The following TTC23 variants were observed in gnomAD, a reference collection of about 807,000 sequenced individuals.
TTC23 encodes tetratricopeptide repeat protein 23.
In TTC23, 58 loss-of-function variants were observed where a neutral mutation model predicts 55.1. The ratio of observed to expected loss-of-function variants is 1.05; its 90% CI spans 0.85 to 1.31. The LOEUF (loss-of-function observed/expected upper bound fraction) is 1.31, where lower values mean the gene tolerates loss of function less well. TTC23 is among the 50% of genes most tolerant of loss of function. The pLI is 0.00. For missense variants in TTC23, 516 were observed against 534.4 expected (o/e 0.97, Z 0.34); for synonymous variants, 203 against 199.9 (o/e 1.02, Z -0.13).
intron 9 of TTC23, among the ~76,000 whole-genome samples, chr15:99,177,670 A>G (rs1162924502): frequency 6.6e-6 from 1 of 152,246 alleles, no homozygotes; most frequent in Non-Finnish European, 1.5e-5. Flanking sequence ...TGATGCAAAG[A>G]CATATAGTAT....
chr15:99,216,528 T>C (rs2077486613), intron 8 of TTC23, among the ~76,000 whole-genome samples: 1 of 151,864 alleles, frequency 6.6e-6, no homozygotes. Context: ...TGATTATCAA[T>C]AGGAAAGGTA....
chr15:99,150,316 A>T (rs1282499503), intron 12 of TTC23, among the ~76,000 whole-genome samples: 3 of 151,864 alleles, frequency 2.0e-5, no homozygotes, highest in Non-Finnish European at 4.4e-5. Context: ...ATAGTGATTT[A>T]AAAAAAAATT....
rs762810390 is a variant in TTC23, at chr15:99,175,030, G to A, written c.865+20C>T. On this transcript the variant is annotated intron_variant, in intron 10 of 13. Coordinates refer to ENST00000394132, the MANE Select transcript of TTC23 (RefSeq NM_001288615.3). Reference sequence around the variant, plus strand: ...GACCCAGATGCCTGTGAGACAGGAAGAGAAAAGGATTCTTCTCACCATGGT... The same window carrying A: ...GACCCAGATGCCTGTGAGACAGGAAAAGAAAAGGATTCTTCTCACCATGGT... 97 of 1,610,984 alleles carry A rather than the reference G, an allele frequency of 6.0e-5. No individual in the cohort carries two copies. The highest frequency in any genetic ancestry group is 8.0e-5 in the Non-Finnish European group (94 of 1,177,918).
intron 11 of TTC23, 37 bp from the exon 12 acceptor site, chr15:99,156,334 T>C: frequency 3.1e-6 from 5 of 1,608,728 alleles, no homozygotes; most frequent in Non-Finnish European, 4.2e-6. Context: ...GTTAACAAGC[T>C]CAAAGGCTGA....
intron 9 of TTC23, among the ~76,000 whole-genome samples, chr15:99,198,040 C>T (rs1399319751): frequency 6.6e-6 from 1 of 152,194 alleles, no homozygotes; most frequent in Admixed American, 6.5e-5. Flanking sequence ...GCCATGAATA[C>T]TGAAATTCCT....
chr15:99,238,209 T>C (rs1033350405), intron 3 of TTC23, among the ~76,000 whole-genome samples: 1 of 152,078 alleles, frequency 6.6e-6, no homozygotes, highest in Non-Finnish European at 1.5e-5. Context: ...CCTCAAGTGA[T>C]CAGCCCACCT....
At chr15:99,248,859 C>A (rs1486676592) in intron 1 of TTC23, among the ~76,000 whole-genome samples, 1 of 151,742 alleles carries the variant, frequency 6.6e-6, no homozygotes, top group African/African-American at 2.4e-5. Flanking sequence ...GAGAATTTAC[C>A]CTTACATGCT....
Position 99,136,738 on chromosome 15 carries a change from G to C in TTC23, c.*1272C>G. 8.7e-6 allele frequency: 1 copy of C among 114,678 alleles called. No individual in the cohort carries two copies. 7.1% of individuals were successfully genotyped at this position (114,678 alleles called of 1,614,324 possible). A position where few individuals can be genotyped will look rare whatever the true frequency, so the allele number is the denominator to read the frequency against. On this transcript the variant is annotated 3_prime_UTR_variant, in exon 14 of 14. Coordinates refer to ENST00000394132, the MANE Select transcript of TTC23 (RefSeq NM_001288615.3). ...GACTCCACCCATGTCAACTAGATAG[G>C]ACACACGGTGAGTAGTGACATCTTA...
At chr15:99,160,425 C>T (rs192917959) in intron 11 of TTC23, 2 of 151,944 alleles carry the variant, frequency 1.3e-5, no homozygotes, top group South Asian at 2.1e-4. Flanking sequence ...AAAAACAATA[C>T]AAATAAAAAA....
intron 9 of TTC23, among the ~76,000 whole-genome samples, chr15:99,180,344 T>TAA (rs902067812): frequency 1.5e-5 from 2 of 137,426 alleles, no homozygotes; most frequent in Non-Finnish European, 1.6e-5. Context: ...GGTCATTAAT[T>TAA]AAAAAAAAAA....
chr15:99,207,672 G>A (rs1227355259), intron 8 of TTC23, among the ~76,000 whole-genome samples: 1 of 152,158 alleles, frequency 6.6e-6, no homozygotes, highest in Non-Finnish European at 1.5e-5. Context: ...CATGAGAATC[G>A]CTTGAACCCG....
intron 9 of TTC23, among the ~76,000 whole-genome samples, chr15:99,182,267 CA>C (rs1401551082): frequency 6.6e-6 from 1 of 151,436 alleles, no homozygotes; most frequent in Non-Finnish European, 1.5e-5. Context: ...CACACACACA[CA>C]CACACACACA....
At chr15:99,162,742 C>T (rs1039273265) in intron 10 of TTC23, among the ~76,000 whole-genome samples, 25 of 152,078 alleles carry the variant, frequency 1.6e-4, no homozygotes, top group Middle Eastern at 3.2e-3. Context: ...AGATATAGTT[C>T]TCCTGAGATG....
intron 9 of TTC23, among the ~76,000 whole-genome samples, chr15:99,187,100 A>G (rs1245915652): frequency 6.6e-6 from 1 of 152,148 alleles, no homozygotes; most frequent in African/African-American, 2.4e-5. Flanking sequence ...TGATACTGGT[A>G]TAAGGATAAA....
At position 99,156,637 on chromosome 15, in the gene TTC23, C is replaced by T. The variant is rs907249285; in HGVS notation, c.994-340G>A. Among the ~76,000 whole-genome samples the T allele has an allele frequency of 2.6e-5, 4 of 152,306 alleles. No individual in the cohort carries two copies. In the South Asian group the frequency reaches 6.2e-4, roughly 24 times the overall value. The stretch of plus-strand genomic sequence containing the variant: ...AAAACCATCAGATCTTGTGAGAATT[C>T]AGTCACTATCGCAAGAACGGCATGG... On this transcript the variant is annotated intron_variant, in intron 11 of 13. Coordinates refer to ENST00000394132, the MANE Select transcript of TTC23 (RefSeq NM_001288615.3).
intron 3 of TTC23, among the ~76,000 whole-genome samples, chr15:99,238,472 A>G (rs1045891812): frequency 2.0e-4 from 31 of 152,196 alleles, no homozygotes; most frequent in African/African-American, 7.2e-4. Flanking sequence ...AATGGGAATC[A>G]TTGCTGCTGC....
At chr15:99,230,518 C>A (rs183836331) in intron 4 of TTC23, among the ~76,000 whole-genome samples, 1 of 151,858 alleles carries the variant, frequency 6.6e-6, no homozygotes, top group Non-Finnish European at 1.5e-5. Flanking sequence ...GAACACTAAA[C>A]GCAAGAAACA....
chr15:99,162,849 G>A lies in TTC23; in HGVS notation c.866-982C>T, dbSNP rs538948428. On this transcript the variant is annotated intron_variant, in intron 10 of 13. Transcript: ENST00000394132. ...AATCCCAGCACTTTGGGAGGCCAAG[G>A]TGGGAGGATCGCTTGAGCCTGGAAG... 1.1e-4 allele frequency among the ~76,000 whole-genome samples: 16 copies of A among 152,280 alleles called. No homozygotes were observed. The South Asian group carries it at 2.9e-3, about 28-fold the overall frequency.
At chr15:99,242,133 GA>G (rs35988389) in intron 2 of TTC23, among the ~76,000 whole-genome samples, 108,528 of 134,546 alleles carry the variant, frequency 0.81, 43,370 homozygotes, top group African/African-American at 0.9. Flanking sequence ...TCCTGTCTCA[GA>G]AAAAAAAAAA....
Sources: gnomAD v4.1 joint callset for allele counts (sites outside exome capture counted in the v4.1 genomes callset) on GRCh38, gnomAD v4.1.1 for gene constraint, MANE v1.5 for transcripts, NCBI Gene and HGNC (gene_info 2026-07-23, HGNC 2026-07-21) for gene names.